The following MYH15 variants were observed in gnomAD, a reference collection of about 807,000 sequenced individuals.
MYH15 encodes the protein myosin-15.
MYH15 carries 227 observed loss-of-function variants against 240.5 expected under a neutral mutation model. That is an observed-to-expected ratio of 0.94 (90% CI 0.85 to 1.05). The LOEUF (loss-of-function observed/expected upper bound fraction) is 1.05, where lower values mean the gene tolerates loss of function less well. Ranked by LOEUF, MYH15 falls within the 50% of genes least tolerant of loss-of-function variation. The pLI, the probability that MYH15 is intolerant of heterozygous loss-of-function variation, is 0.00. For synonymous variants in MYH15, 785 were observed against 796.7 expected, an observed-to-expected ratio of 0.99 and a Z score of 0.25; for missense variants, 2,217 against 2,247.5, an observed-to-expected ratio of 0.99 and a Z score of 0.27.
chr3:108,441,128 C>CAGT lies in MYH15; in HGVS notation c.2785_2787dup (p.Thr929dup). The CAGT allele has an allele frequency of 6.2e-7, 1 of 1,614,184 alleles. No individual in the cohort carries two copies. The highest frequency in any genetic ancestry group is 8.5e-7 in the Non-Finnish European group (1 of 1,180,014). ...TCATCTTCGAGTTTCCGCCCCCTGG[C>CAGT]AGTCAGCTCAGAATTTATCTCCTCT... On this transcript the variant is annotated inframe_insertion, in exon 23 of 41. Coordinates refer to ENST00000693548, the MANE Select transcript of MYH15 (RefSeq NM_014981.3).
intron 12 of MYH15, among the ~76,000 whole-genome samples, chr3:108,472,161 T>C (rs956100091): frequency 2.0e-5 from 3 of 152,224 alleles, no homozygotes; most frequent in African/African-American, 7.2e-5. Flanking sequence ...TAAAGTAACC[T>C]ACTGGGGAGA....
At chr3:108,440,905 T>G (rs572756647) in intron 23 of MYH15, 113 bp downstream of exon 23, 56 of 1,275,062 alleles carry the variant, frequency 4.4e-5, no homozygotes, top group African/African-American at 1.5e-4. Context: ...TGCTGTAAAG[T>G]TGCAGGCCAC....
intron 32 of MYH15, among the ~76,000 whole-genome samples, chr3:108,408,014 T>C (rs1476534587): frequency 6.6e-6 from 1 of 152,216 alleles, no homozygotes; most frequent in African/African-American, 2.4e-5. Context: ...GTGAACAAGA[T>C]AGATAGTTCC....
rs780357939 is a variant in MYH15 at position 108,437,673 on chromosome 3, T to A, written c.3102A>T (p.Arg1034Ser). Residue 1034 changes from arginine to serine, a missense_variant, in exon 25 of 41, where the codon AGA (arginine) becomes AGT (serine). Coordinates refer to ENST00000693548, the MANE Select transcript of MYH15 (RefSeq NM_014981.3). ...CCCTTTCACAGTTCATTCTCGCTTT[T>A]CTCTCCTGCTCAAGGGCACCCTCAA... ...DELEGALEQE[R>S]KARMNCEREL... The A allele has an allele frequency of 6.2e-7, 1 of 1,613,714 alleles. No individual in the cohort carries two copies. Among genetic ancestry groups the A allele is most frequent in the South Asian group, 1.1e-5 (1 of 90,926 alleles).
chr3:108,412,238 C>T (rs568796323), intron 30 of MYH15, among the ~76,000 whole-genome samples: 2 of 152,112 alleles, frequency 1.3e-5, no homozygotes, highest in East Asian at 1.9e-4. Flanking sequence ...ATTTAATCAT[C>T]GAGGCGGTAA....
intron 38 of MYH15, 86 bp downstream of exon 38, chr3:108,388,883 TC>T: frequency 9.2e-7 from 1 of 1,084,302 alleles, no homozygotes; most frequent in Non-Finnish European, 1.4e-6. Flanking sequence ...ACGGCAGGAG[TC>T]CCAGAAGGCC....
intron 2 of MYH15, among the ~76,000 whole-genome samples, chr3:108,503,173 C>A (rs1451013813): frequency 3.3e-5 from 5 of 152,126 alleles, no homozygotes; most frequent in African/African-American, 9.6e-5. Context: ...ACAAAATAAA[C>A]CACCTTCAGA....
Position 108,444,739 on chromosome 3 carries a change from C to G in MYH15, c.2556G>C (p.Gln852His). 2 of 1,614,032 alleles carry G rather than the reference C, an allele frequency of 1.2e-6. No individual in the cohort carries two copies. Among genetic ancestry groups the G allele is most frequent in the Non-Finnish European group, 1.7e-6 (2 of 1,179,982 alleles). ...GAAACTCTGATTTCTCCAAGGCTTTCTGTAATTGTGCACACTCTTCCTTCA... is the reference window on the plus strand; with the variant it reads ...GAAACTCTGATTTCTCCAAGGCTTTGTGTAATTGTGCACACTCTTCCTTCA... The part of the protein sequence containing the change: ...AGLKEECAQL[Q>H]KALEKSEFQR... The change falls in exon 22 of 41, where the codon CAG (glutamine) becomes CAC (histidine). Residue 852 changes from glutamine (Q) to histidine (H), a missense_variant. Gln to His is a conservative substitution (Grantham distance 24). Transcript: ENST00000693548.
chr3:108,547,882 C>T, the MYH15 span, among the ~76,000 whole-genome samples: 3 of 152,164 alleles, frequency 2.0e-5, no homozygotes, highest in African/African-American at 7.2e-5. Context: ...TATGCAGTAT[C>T]TGCCCACAAA....
chr3:108,520,167 A>G (rs2083606662), intron 1 of MYH15, among the ~76,000 whole-genome samples: 1 of 152,190 alleles, frequency 6.6e-6, no homozygotes, highest in Non-Finnish European at 1.5e-5. Flanking sequence ...TCAGTATGAT[A>G]AGTAAAAGAC....
At position 108,498,150 on chromosome 3, in the gene MYH15, G is replaced by A. The variant is rs1329958426; in HGVS notation, c.525-5C>T. The A allele has an allele frequency of 6.2e-7, 1 of 1,613,272 alleles. No homozygotes were observed. On this transcript the variant is annotated splice_region_variant and splice_polypyrimidine_tract_variant and intron_variant, in intron 5 of 40. Transcript: ENST00000693548. ...TTTCCAGCACCAGATTCTCCTCTGTGATTTGAAATTCAGTGATACAGTTAA... is the reference window on the plus strand; with the variant it reads ...TTTCCAGCACCAGATTCTCCTCTGTAATTTGAAATTCAGTGATACAGTTAA...
chr3:108,525,064 T>C (rs1433602456), intron 1 of MYH15, among the ~76,000 whole-genome samples: 1 of 152,106 alleles, frequency 6.6e-6, no homozygotes. Context: ...AGGATGCTTA[T>C]GTTTTCCTGG....
At chr3:108,395,883 G>A (rs1429828530) in intron 35 of MYH15, among the ~76,000 whole-genome samples, 2 of 152,042 alleles carry the variant, frequency 1.3e-5, no homozygotes, top group Admixed American at 1.3e-4. Flanking sequence ...TTTAGGTTGG[G>A]GAGAGGTCCT....
At chr3:108,413,265 T>C (rs952597914) in intron 30 of MYH15, among the ~76,000 whole-genome samples, 3 of 152,348 alleles carry the variant, frequency 2.0e-5, no homozygotes, top group East Asian at 1.9e-4. Context: ...CTACTGCAGG[T>C]ATTTTTAGTA....
chr3:108,474,772 C>G (rs2083206329), intron 12 of MYH15, among the ~76,000 whole-genome samples: 1 of 152,170 alleles, frequency 6.6e-6, no homozygotes, highest in African/African-American at 2.4e-5. Flanking sequence ...TGCTGAACAA[C>G]TCTAACCCCC....
rs527545244 is a variant in MYH15, at chr3:108,438,604, A to G, written c.3076-905T>C. On this transcript the variant is annotated intron_variant, in intron 24 of 40. Coordinates refer to ENST00000693548, the MANE Select transcript of MYH15 (RefSeq NM_014981.3). ...ATGAGGTCATGAAGGTAGAGCCCCC[A>G]TGAATGGAATTAGTCCTTATAAAAG... 7.2e-5 allele frequency among the ~76,000 whole-genome samples: 11 copies of G among 152,232 alleles called. No individual in the cohort carries two copies. In the East Asian group the frequency reaches 2.1e-3, roughly 29 times the overall value.
chr3:108,430,750 G>C lies in MYH15; in HGVS notation c.3312+82C>G. 4 of 1,083,562 alleles carry C rather than the reference G, an allele frequency of 3.7e-6. No individual in the cohort carries two copies. The South Asian group carries it at 5.5e-5, about 15-fold the overall frequency. 67.1% of individuals were successfully genotyped at this position (1,083,562 alleles called of 1,614,324 possible). A position where few individuals can be genotyped will look rare whatever the true frequency, so the allele number is the denominator to read the frequency against. Reference sequence around the variant, plus strand: ...GGTTGGCTAAGGGTATGAATACCTTGGCAGAGAATTAGTCATTGAACCACC... The same window carrying C: ...GGTTGGCTAAGGGTATGAATACCTTCGCAGAGAATTAGTCATTGAACCACC... On this transcript the variant is annotated intron_variant, in intron 26 of 40. Transcript: ENST00000693548.
chr3:108,454,257 C>T, intron 20 of MYH15, 115 bp from the exon 21 acceptor site: 1 of 937,958 alleles, frequency 1.1e-6, no homozygotes, highest in South Asian at 3.4e-5. Context: ...AATTCCATTT[C>T]TTGTAAGTTT....
chr3:108,485,042 T>C (rs771928975), intron 11 of MYH15, 49 bp downstream of exon 11: 2 of 1,593,576 alleles, frequency 1.3e-6, no homozygotes, highest in Non-Finnish European at 1.7e-6. Context: ...GGAGCAGGCT[T>C]GGGCCCAGAG....
Sources: allele counts gnomAD v4.1 joint callset (sites outside exome capture counted in the v4.1 genomes callset), GRCh38; gene constraint gnomAD v4.1.1; transcripts MANE v1.5; gene names NCBI Gene and HGNC (gene_info 2026-07-23, HGNC 2026-07-21).